The following TDRD15 variants were observed in gnomAD, a reference collection of about 807,000 sequenced individuals.
TDRD15 encodes the protein tudor domain containing 15, also known as tudor domain-containing protein 15.
For missense variants in TDRD15, 1,416 were observed against 904.7 expected (o/e 1.57, Z -7.25); for synonymous variants, 503 against 314.5 (o/e 1.60, Z -6.34).
intron 2 of TDRD15, among the ~76,000 whole-genome samples, chr2:21,132,548 G>A (rs1379510949): frequency 6.6e-6 from 1 of 151,970 alleles, no homozygotes; most frequent in African/African-American, 2.4e-5. Flanking sequence ...ATTTCCTGGT[G>A]GATTGTGAGT....
In TDRD15 at chr2:21,138,766, C is replaced by G; in HGVS notation, c.1299C>G (p.Ile433Met). 1.4e-6 allele frequency: 1 copy of G among 715,432 alleles called. No individual in the cohort carries two copies. The highest frequency in any genetic ancestry group is 2.6e-6 in the Non-Finnish European group (1 of 383,996). The allele number at this position is 715,432 out of a possible 1,614,324, so 44.3% of individuals were successfully genotyped here. A position where few individuals can be genotyped will look rare whatever the true frequency, so the allele number is the denominator to read the frequency against. ...TGTCTGATTCAAAAATCTCCAATAT[C>G]TTGAGTGAGACAAGTGTGTCTGATG... ...CPMSDSKISN[I>M]LSETSVSDVN... Residue 433 changes from isoleucine (I) to methionine (M), a missense_variant, in exon 4 of 4, where the codon ATC (isoleucine) becomes ATG (methionine). Physicochemically the swap from Ile to Met is conservative, Grantham distance 10. Transcript: ENST00000405799.
intron 2 of TDRD15, among the ~76,000 whole-genome samples, chr2:21,130,483 A>C (rs369384289): frequency 6.6e-6 from 1 of 152,210 alleles, no homozygotes; most frequent in Non-Finnish European, 1.5e-5. Flanking sequence ...TTAGATTTCT[A>C]TGGGGTTATA....
At chr2:21,145,294 T>C (rs1666013222), downstream of TDRD15, among the ~76,000 whole-genome samples, 1 of 152,072 alleles carries the variant, frequency 6.6e-6, no homozygotes, top group African/African-American at 2.4e-5. Flanking sequence ...TTGTTTGTTA[T>C]TTATACTGCC....
Position 21,141,644 on chromosome 2 carries a change from G to A in TDRD15, c.4177G>A (p.Glu1393Lys), listed in dbSNP as rs971473346. ...AATAGTAAACACATCTAAAATTTAC[G>A]AACTTCAGAGGGAATTTTTAACTGT... ...SAIVNTSKIY[E>K]LQREFLTVPQ... Residue 1393 changes from glutamate (E) to lysine (K), a missense_variant, in exon 4 of 4, where the codon GAA (glutamate) becomes AAA (lysine). Glu to Lys is a moderately conservative substitution (Grantham distance 56, BLOSUM62 1). Coordinates refer to ENST00000405799, the MANE Select transcript of TDRD15 (RefSeq NM_001306137.2). 1.3e-5 allele frequency: 9 copies of A among 713,988 alleles called. No homozygotes were observed. The highest frequency in any genetic ancestry group is 3.0e-5 in the South Asian group (2 of 67,122). The allele number at this position is 713,988 out of a possible 1,614,324, so 44.2% of individuals were successfully genotyped here.
chr2:21,128,695 G>T (rs1387748720), intron 2 of TDRD15, among the ~76,000 whole-genome samples: 1 of 151,374 alleles, frequency 6.6e-6, no homozygotes, highest in African/African-American at 2.4e-5. Context: ...ATGGTTTTTG[G>T]GTTTCTATCT....
intron 2 of TDRD15, among the ~76,000 whole-genome samples, chr2:21,130,759 T>C (rs182300739): frequency 1.3e-5 from 2 of 152,336 alleles, no homozygotes; most frequent in East Asian, 3.9e-4. Context: ...CACCTCGCTG[T>C]GAATCAAGGC....
At position 21,139,332 on chromosome 2, in the gene TDRD15, A is replaced by G. The variant is rs1171280123; in HGVS notation, c.1865A>G (p.Asn622Ser). 4.3e-6 allele frequency: 3 copies of G among 704,646 alleles called. No individual in the cohort carries two copies. Among genetic ancestry groups the G allele is most frequent in the Admixed American group, 2.1e-5 (1 of 46,760 alleles). 43.6% of individuals were successfully genotyped at this position (704,646 alleles called of 1,614,324 possible). The part of the protein sequence containing the change: ...AIDYFKKLVL[N>S]KAILLQVIAK... ...GATTATTTTAAAAAATTAGTTTTGA[A>G]CAAAGCAATTTTGCTTCAGGTTATA... Residue 622 changes from asparagine (N) to serine (S), a missense_variant, in exon 4 of 4, where the codon AAC (asparagine) becomes AGC (serine). Transcript: ENST00000405799.
At chr2:21,131,519 G>A (rs1038576431) in intron 2 of TDRD15, among the ~76,000 whole-genome samples, 13 of 152,082 alleles carry the variant, frequency 8.5e-5, no homozygotes, top group Admixed American at 3.9e-4. Context: ...AGCTTTTAAC[G>A]TTCTCCTTCC....
At chr2:21,124,256 A>G (rs930376257) in intron 1 of TDRD15, among the ~76,000 whole-genome samples, 4 of 152,136 alleles carry the variant, frequency 2.6e-5, no homozygotes, top group African/African-American at 9.7e-5. Flanking sequence ...CCCACCCGGG[A>G]GCAGCAGCCC....
Position 21,139,499 on chromosome 2 carries a change from G to A in TDRD15, c.2032G>A (p.Glu678Lys). 4 of 701,912 alleles carry A rather than the reference G, an allele frequency of 5.7e-6. No homozygotes were observed. Among genetic ancestry groups the A allele is most frequent in the Non-Finnish European group, 1.1e-5 (4 of 380,594 alleles). 43.5% of individuals were successfully genotyped at this position (701,912 alleles called of 1,614,324 possible). A position where few individuals can be genotyped will look rare whatever the true frequency, so the allele number is the denominator to read the frequency against. ...AGAATATTTTCCAAAATCTGTAAGT[G>A]AATATTCAATGCTAAATTCAGAATC... is the stretch of plus-strand genomic sequence containing the variant. ...ELEYFPKSVS[E>K]YSMLNSESKN... The change falls in exon 4 of 4, where the codon GAA (glutamate) becomes AAA (lysine). Residue 678 changes from glutamate to lysine, a missense_variant. Physicochemically the swap from Glu to Lys is moderately conservative, Grantham distance 56. Coordinates refer to ENST00000405799, the MANE Select transcript of TDRD15 (RefSeq NM_001306137.2).
downstream of TDRD15, among the ~76,000 whole-genome samples, chr2:21,146,453 C>T (rs1427972949): frequency 6.6e-6 from 1 of 151,972 alleles, no homozygotes; most frequent in East Asian, 1.9e-4. Flanking sequence ...TTCTCCAGAA[C>T]AAACTTGTTA....
Position 21,140,798 on chromosome 2 carries a change from A to G in TDRD15, c.3331A>G (p.Ile1111Val), listed in dbSNP as rs1303872057. The change falls in exon 4 of 4, where the codon ATA becomes GTA. Residue 1111 changes from isoleucine (I) to valine (V), a missense_variant. Transcript: ENST00000405799. The stretch of plus-strand genomic sequence containing the variant: ...CTTGGGAAGATCATTAAAGGCGATA[A>G]TATTGTCCCAGGAGTCAGATGGACA... ...NFLGRSLKAI[I>V]LSQESDGQLG... The G allele has an allele frequency of 4.2e-6, 3 of 715,366 alleles. No homozygotes were observed. The highest frequency in any genetic ancestry group is 7.8e-6 in the Non-Finnish European group (3 of 383,692). The allele number at this position is 715,366 out of a possible 1,614,324, so 44.3% of individuals were successfully genotyped here.
rs1398148032 is a variant in TDRD15 at position 21,141,214 on chromosome 2, G to A, written c.3747G>A (p.Arg1249=). Residue 1249 remains arginine, a synonymous_variant, in exon 4 of 4, where the codon AGG becomes AGA. Transcript: ENST00000405799. Reference sequence around the variant, plus strand: ...GAGCTGCACATATTCTTGAGAACAGGCGTGTGGGCCAAAAATCAGTAAAGG... The same window carrying A: ...GAGCTGCACATATTCTTGAGAACAGACGTGTGGGCCAAAAATCAGTAAAGG... ...VPGAAHILEN[R]RVGQKSVKVV... is the part of the protein sequence containing the mutation. 1.4e-6 allele frequency: 1 copy of A among 714,292 alleles called. No individual in the cohort carries two copies. The highest frequency in any genetic ancestry group is 1.5e-5 in the South Asian group (1 of 67,132). The allele number at this position is 714,292 out of a possible 1,614,324, so 44.2% of individuals were successfully genotyped here. A position where few individuals can be genotyped will look rare whatever the true frequency, so the allele number is the denominator to read the frequency against.
chr2:21,128,290 T>G (rs927528189), intron 2 of TDRD15, among the ~76,000 whole-genome samples: 2 of 148,330 alleles, frequency 1.3e-5, no homozygotes, highest in African/African-American at 5.0e-5. Context: ...CATGTTATGG[T>G]TTTTTTTTTA....
intron 2 of TDRD15, among the ~76,000 whole-genome samples, chr2:21,130,498 C>T (rs910175421): frequency 3.3e-5 from 5 of 152,162 alleles, no homozygotes; most frequent in African/African-American, 1.2e-4. Context: ...GTTATATCCC[C>T]CAAAATTCCT....
chr2:21,141,362 G>A lies in TDRD15; in HGVS notation c.3895G>A (p.Gly1299Arg). The change falls in exon 4 of 4, where the codon GGG (glycine) becomes AGG (arginine). Residue 1299 changes from glycine (G) to arginine (R), a missense_variant. Coordinates refer to ENST00000405799, the MANE Select transcript of TDRD15 (RefSeq NM_001306137.2). ...AATTTATTTGAATGCCAAAGTTAAA[G>A]GGTATGTATCTAATATCAGTAATCC... The part of the protein sequence containing the change: ...PQIYLNAKVK[G>R]YVSNISNPAN... The A allele has an allele frequency of 1.4e-6, 1 of 715,678 alleles. No homozygotes were observed. The allele number at this position is 715,678 out of a possible 1,614,324, so 44.3% of individuals were successfully genotyped here. A position where few individuals can be genotyped will look rare whatever the true frequency, so the allele number is the denominator to read the frequency against.
At position 21,141,939 on chromosome 2, in the gene TDRD15, G is replaced by A. The variant is rs1320030693; in HGVS notation, c.4472G>A (p.Arg1491Lys). Reference protein sequence around the residue: ...QMPQVLSQKVRPGDNEMKKGK... With the variant: ...QMPQVLSQKVKPGDNEMKKGK... ...CCTCAGGTTCTCTCTCAAAAGGTGA[G>A]GCCAGGTGATAATGAAATGAAGAAA... Residue 1491 changes from arginine (R) to lysine (K), a missense_variant, in exon 4 of 4, where the codon AGG becomes AAG. Physicochemically the swap from Arg to Lys is conservative, Grantham distance 26. Transcript: ENST00000405799. 2 of 711,824 alleles carry A rather than the reference G, an allele frequency of 2.8e-6. No individual in the cohort carries two copies. The highest frequency in any genetic ancestry group is 2.0e-5 in the Admixed American group (1 of 49,030). 44.1% of individuals were successfully genotyped at this position (711,824 alleles called of 1,614,324 possible).
rs545149634 is a variant in TDRD15, at chr2:21,137,847, C to T, written c.380C>T (p.Ala127Val). Residue 127 changes from alanine to valine, a missense_variant, in exon 4 of 4, where the codon GCG (alanine) becomes GTG (valine). Coordinates refer to ENST00000405799, the MANE Select transcript of TDRD15 (RefSeq NM_001306137.2). Reference protein sequence around the residue: ...LPPRVVFGIFANILPVGEKWS... With the variant: ...LPPRVVFGIFVNILPVGEKWS... Reference sequence around the variant, plus strand: ...CCACGGGTAGTATTTGGTATTTTTGCGAATATACTACCAGTTGGGGAAAAA... The same window carrying T: ...CCACGGGTAGTATTTGGTATTTTTGTGAATATACTACCAGTTGGGGAAAAA... 4 of 715,474 alleles carry T rather than the reference C, an allele frequency of 5.6e-6. No individual in the cohort carries two copies. Among genetic ancestry groups the T allele is most frequent in the Non-Finnish European group, 1.0e-5 (4 of 384,186 alleles). 44.3% of individuals were successfully genotyped at this position (715,474 alleles called of 1,614,324 possible).
rs1572299774 is a variant in TDRD15 at position 21,138,577 on chromosome 2, A to G, written c.1110A>G (p.Gln370=). The G allele has an allele frequency of 4.2e-6, 3 of 714,570 alleles. No individual in the cohort carries two copies. The highest frequency in any genetic ancestry group is 1.5e-5 in the South Asian group (1 of 67,116). 44.3% of individuals were successfully genotyped at this position (714,570 alleles called of 1,614,324 possible). A position where few individuals can be genotyped will look rare whatever the true frequency, so the allele number is the denominator to read the frequency against. Residue 370 remains glutamine, a synonymous_variant, in exon 4 of 4, where the codon CAA becomes CAG. Transcript: ENST00000405799. ...HSPDRDARIF[Q]LSIFKQALLG... ...CAGATAGAGATGCAAGAATATTTCA[A>G]CTGAGTATATTTAAACAGGCCTTAT... is the stretch of plus-strand genomic sequence containing the variant.
Sources: allele counts gnomAD v4.1 joint callset (sites outside exome capture counted in the v4.1 genomes callset), GRCh38; gene constraint gnomAD v4.1.1; transcripts MANE v1.5; gene names NCBI Gene and HGNC (gene_info 2026-07-23, HGNC 2026-07-21).